The following PKHD1L1 variants were observed in gnomAD, a reference collection of about 807,000 sequenced individuals.
The protein encoded by PKHD1L1 is fibrocystin-L.
Under a neutral mutation model 462.9 loss-of-function variants are expected in PKHD1L1, and 434 were observed. That is an observed-to-expected ratio of 0.94 (90% confidence interval 0.87 to 1.02). PKHD1L1 has a LOEUF of 1.02. PKHD1L1 is among the 50% of genes least tolerant of loss of function. PKHD1L1 has a pLI of 0.00. For synonymous variants in PKHD1L1, 1,781 were observed against 1,750.0 expected (o/e 1.02, Z -0.44); for missense variants, 5,202 against 5,096.1 (o/e 1.02, Z -0.63).
chr8:109,432,669 CAGA>C (rs1341038959), intron 27 of PKHD1L1, among the ~76,000 whole-genome samples: 1 of 152,158 alleles, frequency 6.6e-6, no homozygotes, highest in Non-Finnish European at 1.5e-5. Flanking sequence ...TCACCATAAA[CAGA>C]AGAATCTTAT....
intron 30 of PKHD1L1, among the ~76,000 whole-genome samples, chr8:109,437,728 T>C (rs1209858180): frequency 6.6e-6 from 1 of 152,090 alleles, no homozygotes; most frequent in East Asian, 1.9e-4. Context: ...TGAGGGGATA[T>C]GGTAAGCTAA....
chr8:109,485,291 T>G, intron 58 of PKHD1L1, 118 bp downstream of exon 58: 1 of 963,630 alleles, frequency 1.0e-6, no homozygotes, highest in South Asian at 2.1e-5. Context: ...AGCATTTTAT[T>G]CAGATTGGCA....
At chr8:109,432,822 G>A (rs1315304893) in intron 27 of PKHD1L1, among the ~76,000 whole-genome samples, 1 of 152,040 alleles carries the variant, frequency 6.6e-6, no homozygotes, top group Admixed American at 6.6e-5. Context: ...AGAATAATTT[G>A]TTTCTTTATC....
At chr8:109,453,359 C>T (rs1816645954) in intron 43 of PKHD1L1, among the ~76,000 whole-genome samples, 1 of 152,150 alleles carries the variant, frequency 6.6e-6, no homozygotes, top group African/African-American at 2.4e-5. Context: ...TTCACCTTTG[C>T]CTGTGAACCT....
Position 109,448,232 on chromosome 8 carries a change from A to G in PKHD1L1, c.5866A>G (p.Asn1956Asp), listed in dbSNP as rs779046919. 4.3e-6 allele frequency: 7 copies of G among 1,613,580 alleles called. No homozygotes were observed. Among genetic ancestry groups the G allele is most frequent in the Non-Finnish European group, 5.9e-6 (7 of 1,179,762 alleles). The change falls in exon 39 of 78, where the codon AAT becomes GAT. Residue 1956 changes from asparagine to aspartate, a missense_variant. Transcript: ENST00000378402. Reference protein sequence around the residue: ...ISVMINNIQCNVTMANDSVVQ... With the variant: ...ISVMINNIQCDVTMANDSVVQ... ...CGTGATGATAAATAACATTCAGTGTAATGTAACCATGGCCAATGATAGTGT... is the reference window on the plus strand; with the variant it reads ...CGTGATGATAAATAACATTCAGTGTGATGTAACCATGGCCAATGATAGTGT...
intron 75 of PKHD1L1, 72 bp from the exon 76 acceptor site, chr8:109,523,161 G>T (rs1229123685): frequency 2.6e-5 from 35 of 1,363,858 alleles, no homozygotes; most frequent in Non-Finnish European, 3.1e-5. Flanking sequence ...TAAAAATAAA[G>T]TTTTGCATAT....
At position 109,362,613 on chromosome 8, in the gene PKHD1L1, C is replaced by A; in HGVS notation, c.33C>A (p.Gly11=). 1 of 1,609,592 alleles carries A rather than the reference C, an allele frequency of 6.2e-7. No individual in the cohort carries two copies. The highest frequency in any genetic ancestry group is 1.1e-5 in the South Asian group (1 of 89,786). The part of the protein sequence containing the change: MGHLWLLGIW[G]LCGLLLCAAD... ...ACCTGTGGCTCCTGGGTATTTGGGG[C>A]CTCTGTGGGCTGCTCCTGTGTGCCG... The change falls in exon 1 of 78, where the codon GGC becomes GGA. Residue 11 remains glycine, a synonymous_variant. Transcript: ENST00000378402.
rs189394915 is a variant in PKHD1L1 at position 109,495,930 on chromosome 8, T to C, written c.10328-989T>C. 2.6e-5 allele frequency among the ~76,000 whole-genome samples: 4 copies of C among 152,322 alleles called. No homozygotes were observed. The East Asian group carries it at 7.7e-4, about 29-fold the overall frequency. On this transcript the variant is annotated intron_variant, in intron 63 of 77. Transcript: ENST00000378402. ...GTAAAACTTTCATGAAAATCCCCTT[T>C]GTTGTATATATTAATAATGAGTATA...
At position 109,433,098 on chromosome 8, in the gene PKHD1L1, A is replaced by T; in HGVS notation, c.3230-8A>T. ...TTTAATATTGTTATTTAAATTGATC[A>T]TTTTTAGGGTCCTATGAAGAAGGCA... On this transcript the variant is annotated splice_polypyrimidine_tract_variant and splice_region_variant and intron_variant, in intron 27 of 77. Coordinates refer to ENST00000378402, the MANE Select transcript of PKHD1L1 (RefSeq NM_177531.6). 6.4e-7 allele frequency: 1 copy of T among 1,567,278 alleles called. No homozygotes were observed.
chr8:109,475,296 A>G lies in PKHD1L1; in HGVS notation c.8757+27A>G, dbSNP rs370104633. On this transcript the variant is annotated intron_variant, in intron 51 of 77. Coordinates refer to ENST00000378402, the MANE Select transcript of PKHD1L1 (RefSeq NM_177531.6). ...TAAAAATATTTATCTTCTAATGATT[A>G]TAATTGTGTATTACCCAAACACAGC... is the stretch of plus-strand genomic sequence containing the variant. The G allele has an allele frequency of 2.6e-6, 4 of 1,528,388 alleles. No individual in the cohort carries two copies. The African/African-American group carries it at 5.5e-5, about 21-fold the overall frequency. 94.7% of individuals were successfully genotyped at this position (1,528,388 alleles called of 1,614,324 possible). A position where few individuals can be genotyped will look rare whatever the true frequency, so the allele number is the denominator to read the frequency against.
intron 10 of PKHD1L1, among the ~76,000 whole-genome samples, chr8:109,395,731 C>A (rs940069459): frequency 6.6e-6 from 1 of 152,178 alleles, no homozygotes; most frequent in Admixed American, 6.5e-5. Context: ...TACCTGCCTT[C>A]GTGCTCAGCT....
intron 2 of PKHD1L1, among the ~76,000 whole-genome samples, chr8:109,373,297 T>A (rs1811619642): frequency 6.6e-6 from 1 of 152,188 alleles, no homozygotes; most frequent in African/African-American, 2.4e-5. Flanking sequence ...TGCATAGAGG[T>A]GTTTATAGTA....
chr8:109,419,300 A>T, intron 22 of PKHD1L1, 40 bp downstream of exon 22: 1 of 1,462,114 alleles, frequency 6.8e-7, no homozygotes, highest in South Asian at 1.4e-5. Flanking sequence ...ATCTAAATAT[A>T]GTAAAATCTT....
intron 71 of PKHD1L1, 48 bp downstream of exon 71, chr8:109,510,982 T>C (rs770282457): frequency 1.9e-6 from 3 of 1,577,722 alleles, no homozygotes; most frequent in Non-Finnish European, 1.7e-6. Flanking sequence ...ATTTGCATGT[T>C]ATTTCTATCT....
intron 16 of PKHD1L1, among the ~76,000 whole-genome samples, chr8:109,405,633 A>G (rs934595111): frequency 6.6e-6 from 1 of 151,942 alleles, no homozygotes; most frequent in African/African-American, 2.4e-5. Context: ...TGGGAGCTGA[A>G]CAATGAGAAC....
chr8:109,446,677 C>G (rs1420213294), intron 38 of PKHD1L1, among the ~76,000 whole-genome samples: 1 of 152,108 alleles, frequency 6.6e-6, no homozygotes, highest in Non-Finnish European at 1.5e-5. Context: ...TGGTTGTAAT[C>G]ATTGCAAATA....
intron 62 of PKHD1L1, 130 bp downstream of exon 62, chr8:109,492,124 GAT>G: frequency 1.6e-6 from 1 of 633,148 alleles, no homozygotes; most frequent in Non-Finnish European, 2.2e-6. Flanking sequence ...GATGGCCATT[GAT>G]TTTTTTTTTT....
At chr8:109,394,334 A>G in intron 9 of PKHD1L1, 81 bp from the exon 10 acceptor site, 5 of 856,452 alleles carry the variant, frequency 5.8e-6, no homozygotes, top group South Asian at 2.0e-5. Context: ...AGATTATGAC[A>G]TAATTTCTAT....
chr8:109,487,194 T>G (rs1818571682), intron 59 of PKHD1L1, among the ~76,000 whole-genome samples: 1 of 151,978 alleles, frequency 6.6e-6, no homozygotes, highest in African/African-American at 2.4e-5. Flanking sequence ...CCCAATGTAC[T>G]AATCACCAAT....
Sources: allele counts gnomAD v4.1 joint callset (sites outside exome capture counted in the v4.1 genomes callset), GRCh38; gene constraint gnomAD v4.1.1; transcripts MANE v1.5; gene names NCBI Gene and HGNC (gene_info 2026-07-23, HGNC 2026-07-21).